GTF2H3: variants seen among roughly 807,000 people sequenced by gnomAD.
The protein encoded by GTF2H3 is general transcription factor IIH subunit 3.
Under a neutral mutation model 51.1 loss-of-function variants are expected in GTF2H3, and 42 were observed. That is an observed-to-expected ratio of 0.82 (90% CI 0.64 to 1.06). The LOEUF is 1.06. GTF2H3 is among the 50% of genes least tolerant of loss of function. The pLI, the probability that GTF2H3 is intolerant of heterozygous loss-of-function variation, is 0.00. For synonymous variants in GTF2H3, 123 were observed against 123.8 expected, an observed-to-expected ratio of 0.99 and a Z score of 0.04; for missense variants, 326 against 366.1, an observed-to-expected ratio of 0.89 and a Z score of 0.89.
rs375738368 is a variant in GTF2H3, at chr12:123,651,104, A to G, written c.427+48A>G. 3.0e-6 allele frequency: 4 copies of G among 1,352,392 alleles called. No homozygotes were observed. The African/African-American group carries it at 4.3e-5, about 15-fold the overall frequency. The allele number at this position is 1,352,392 out of a possible 1,614,324, so 83.8% of individuals were successfully genotyped here. On this transcript the variant is annotated intron_variant, in intron 5 of 12. Transcript: ENST00000543341. Reference sequence around the variant, plus strand: ...TTAGAAGGTGTCTTCTGTAATAAACATATCTTAACTTGTGACATTTCTTAG... The same window carrying G: ...TTAGAAGGTGTCTTCTGTAATAAACGTATCTTAACTTGTGACATTTCTTAG...
chr12:123,634,488 GA>G (rs1955244885), intron 1 of GTF2H3, among the ~76,000 whole-genome samples: 1 of 152,226 alleles, frequency 6.6e-6, no homozygotes, highest in Admixed American at 6.5e-5. Flanking sequence ...AAAGAGCTAT[GA>G]AGATGATGTA....
intron 2 of GTF2H3, among the ~76,000 whole-genome samples, chr12:123,641,509 A>G (rs1342180169): frequency 6.7e-6 from 1 of 148,548 alleles, no homozygotes; most frequent in Non-Finnish European, 1.5e-5. Context: ...TACAGGCATG[A>G]GCCACGTGTC....
At chr12:123,635,190 T>G (rs1307567329) in intron 1 of GTF2H3, among the ~76,000 whole-genome samples, 7 of 152,228 alleles carry the variant, frequency 4.6e-5, no homozygotes, top group Non-Finnish European at 7.3e-5. Flanking sequence ...TTTTTCTGTC[T>G]GGCAGACACA....
intron 1 of GTF2H3, 147 bp from the exon 2 acceptor site, chr12:123,639,117 T>G (rs1955331557): frequency 1.8e-6 from 1 of 547,094 alleles, no homozygotes; most frequent in African/African-American, 1.9e-5. Context: ...TTTAACTGGG[T>G]CTTCTGTTAA....
At chr12:123,655,080 T>C (rs1955570656) in intron 8 of GTF2H3, 82 bp downstream of exon 8, 1 of 1,007,610 alleles carries the variant, frequency 9.9e-7, no homozygotes, top group Admixed American at 1.7e-5. Flanking sequence ...TACTCTGAGG[T>C]ATTCTGACTA....
intron 7 of GTF2H3, among the ~76,000 whole-genome samples, chr12:123,653,541 C>T (rs781371809): frequency 4.6e-5 from 7 of 151,142 alleles, no homozygotes; most frequent in East Asian, 2.0e-4. Flanking sequence ...CCCAGCTACT[C>T]GGGAGGCTGA....
chr12:123,639,890 C>CGTGT (rs941304057), intron 2 of GTF2H3: 18 of 405,424 alleles, frequency 4.4e-5, no homozygotes, highest in Non-Finnish European at 8.7e-5. Context: ...TGTGTGTATG[C>CGTGT]GTGCGTGCGT....
chr12:123,647,933 G>A (rs1955470769), intron 3 of GTF2H3, 30 bp from the exon 4 acceptor site: 3 of 1,589,560 alleles, frequency 1.9e-6, no homozygotes, highest in Middle Eastern at 1.7e-4. Context: ...GAGGCCTGGT[G>A]TAACCAGGTT....
At chr12:123,636,620 T>C (rs1396266901) in intron 1 of GTF2H3, among the ~76,000 whole-genome samples, 1 of 151,822 alleles carries the variant, frequency 6.6e-6, no homozygotes, top group East Asian at 2.0e-4. Flanking sequence ...TACAAAAATT[T>C]AAAAATTAGC....
chr12:123,637,094 A>T (rs981389775), intron 1 of GTF2H3, among the ~76,000 whole-genome samples: 4 of 152,160 alleles, frequency 2.6e-5, no homozygotes, highest in African/African-American at 9.7e-5. Flanking sequence ...TTAAAAATAC[A>T]TAAATAAATA....
chr12:123,659,636 G>A lies in GTF2H3; in HGVS notation c.684+52G>A, dbSNP rs11573003. On this transcript the variant is annotated intron_variant, in intron 10 of 12. Transcript: ENST00000543341. ...ATGCCTGGAGGGAAGGATGACCTCTGTGTCCTGGGAAAGGAATGGAAGCAA... is the reference window on the plus strand; with the variant it reads ...ATGCCTGGAGGGAAGGATGACCTCTATGTCCTGGGAAAGGAATGGAAGCAA... 7,753 of 1,567,652 alleles carry A rather than the reference G, an allele frequency of 4.9e-3. 212 individuals are homozygous for A. In the African/African-American group the frequency reaches 0.053, roughly 11 times the overall value.
chr12:123,637,373 A>C (rs1214162255), intron 1 of GTF2H3, among the ~76,000 whole-genome samples: 1 of 151,836 alleles, frequency 6.6e-6, no homozygotes, highest in Non-Finnish European at 1.5e-5. Flanking sequence ...CCCATCTCTT[A>C]AAAAAAACCC....
chr12:123,658,514 T>C (rs1262512630), intron 9 of GTF2H3, among the ~76,000 whole-genome samples: 1 of 152,180 alleles, frequency 6.6e-6, no homozygotes, highest in Non-Finnish European at 1.5e-5. Context: ...AAATTTATTG[T>C]AGAGACAGGG....
intron 8 of GTF2H3, 56 bp from the exon 9 acceptor site, chr12:123,655,715 A>G (rs1955578423): frequency 2.0e-6 from 2 of 1,022,564 alleles, no homozygotes; most frequent in Non-Finnish European, 3.1e-6. Context: ...GGTTCTCAGT[A>G]TAGGGTAATC....
intron 8 of GTF2H3, 88 bp from the exon 9 acceptor site, chr12:123,655,683 G>T (rs1480462487): frequency 6.4e-6 from 5 of 783,146 alleles, no homozygotes; most frequent in Admixed American, 2.0e-5. Flanking sequence ...GCTATTTTAA[G>T]CATAGAGTAT....
Position 123,661,283 on chromosome 12 carries a change from C to T in GTF2H3, c.*1048C>T, listed in dbSNP as rs1316456605. 1 of 152,084 alleles carries T rather than the reference C, an allele frequency of 6.6e-6. No individual in the cohort carries two copies. The highest frequency in any genetic ancestry group is 1.5e-5 in the Non-Finnish European group (1 of 68,020). The allele number at this position is 152,084 out of a possible 1,614,324, so 9.4% of individuals were successfully genotyped here. On this transcript the variant is annotated 3_prime_UTR_variant, in exon 13 of 13. Transcript: ENST00000543341. Reference sequence around the variant, plus strand: ...TTGAAATTATTAAAAGTCCTTTTAGCTTCTAGCACATATTTGTACAAAGAG... The same window carrying T: ...TTGAAATTATTAAAAGTCCTTTTAGTTTCTAGCACATATTTGTACAAAGAG...
In GTF2H3 at chr12:123,659,229, T is replaced by C. The variant is rs1373775632; in HGVS notation, c.616-287T>C. ...TAAAAATACAAAAATTAGCCAGGCA[T>C]GGTGGCGCATGCCTGTAATCCCAGT... On this transcript the variant is annotated intron_variant, in intron 9 of 12. Transcript: ENST00000543341. 3 of 356,308 alleles carry C rather than the reference T, an allele frequency of 8.4e-6. No individual in the cohort carries two copies. The East Asian group carries it at 1.9e-4, about 23-fold the overall frequency. 22.1% of individuals were successfully genotyped at this position (356,308 alleles called of 1,614,324 possible). A position where few individuals can be genotyped will look rare whatever the true frequency, so the allele number is the denominator to read the frequency against.
At position 123,652,752 on chromosome 12, in the gene GTF2H3, A is replaced by G. The variant is rs374281229; in HGVS notation, c.486+17A>G. 24 of 1,478,030 alleles carry G rather than the reference A, an allele frequency of 1.6e-5. No individual in the cohort carries two copies. The African/African-American group carries it at 3.4e-4, about 21-fold the overall frequency. 91.6% of individuals were successfully genotyped at this position (1,478,030 alleles called of 1,614,324 possible). ...AGGATATTGGTAAGATAAAAAAATC[A>G]TTACTTTTTTATATGACAACTATAA... is the stretch of plus-strand genomic sequence containing the variant. On this transcript the variant is annotated intron_variant, in intron 7 of 12. Transcript: ENST00000543341.
chr12:123,635,723 A>T (rs1345656942), intron 1 of GTF2H3, among the ~76,000 whole-genome samples: 1 of 152,170 alleles, frequency 6.6e-6, no homozygotes, highest in Non-Finnish European at 1.5e-5. Flanking sequence ...TGATTTACAC[A>T]CATTATTTTA....
Sources: allele counts gnomAD v4.1 joint callset (sites outside exome capture counted in the v4.1 genomes callset), GRCh38; gene constraint gnomAD v4.1.1; transcripts MANE v1.5; gene names NCBI Gene and HGNC (gene_info 2026-07-23, HGNC 2026-07-21).